The following TBCE variants were observed in gnomAD, a reference collection of about 807,000 sequenced individuals.
TBCE encodes the protein tubulin folding cofactor E.
A neutral mutation model predicts 77.0 loss-of-function variants in TBCE; 53 were observed. The ratio of observed to expected loss-of-function variants is 0.69; its 90% CI spans 0.55 to 0.87. The LOEUF (loss-of-function observed/expected upper bound fraction) is 0.87, where lower values mean the gene tolerates loss of function less well. Among genes scored for constraint, TBCE ranks in the 40% least tolerant of loss-of-function variants. The probability of loss-of-function intolerance (pLI) is 0.00; values close to 1 mark genes in which losing one functional copy is unlikely to be tolerated. For synonymous variants in TBCE, 235 were observed against 241.3 expected, an observed-to-expected ratio of 0.97 and a Z score of 0.24; for missense variants, 624 against 622.4, an observed-to-expected ratio of 1.00 and a Z score of -0.03.
At chr1:235,417,412 A>G (rs2172718) in intron 4 of TBCE, among the ~76,000 whole-genome samples, 100,698 of 152,122 alleles carry the variant, frequency 0.66, 33,714 homozygotes, top group African/African-American at 0.76. Context: ...GCGATAAAAC[A>G]CAAGTATTTA....
Position 235,419,341 on chromosome 1 carries a change from G to A in TBCE, c.372-132G>A, listed in dbSNP as rs565292728. 1.4e-4 allele frequency: 178 copies of A among 1,269,390 alleles called. 1 individual carries two copies. The African/African-American group carries it at 2.5e-3, about 18-fold the overall frequency. 78.6% of individuals were successfully genotyped at this position (1,269,390 alleles called of 1,614,324 possible). On this transcript the variant is annotated intron_variant, in intron 4 of 16. Coordinates refer to ENST00000642610, the MANE Select transcript of TBCE (RefSeq NM_003193.5). Reference sequence around the variant, plus strand: ...TTTGTAATGCTTTATTTCTTAATTTGGGTGGTGGTTACTGGTATTTGTATA... The same window carrying A: ...TTTGTAATGCTTTATTTCTTAATTTAGGTGGTGGTTACTGGTATTTGTATA...
chr1:235,381,332 T>C (rs1387367624), intron 2 of TBCE, among the ~76,000 whole-genome samples: 3 of 152,104 alleles, frequency 2.0e-5, no homozygotes, highest in African/African-American at 7.2e-5. Flanking sequence ...CCCATAGTTC[T>C]TGAAACATAA....
At chr1:235,383,425 A>G (rs1264264765) in intron 2 of TBCE, among the ~76,000 whole-genome samples, 2 of 152,166 alleles carry the variant, frequency 1.3e-5, no homozygotes, top group Non-Finnish European at 2.9e-5. Flanking sequence ...CATTTTCACG[A>G]TATTAATTCT....
intron 15 of TBCE, among the ~76,000 whole-genome samples, chr1:235,446,929 C>T (rs1436999785): frequency 3.3e-5 from 5 of 152,114 alleles, no homozygotes; most frequent in African/African-American, 1.2e-4. Context: ...GATCCCTCTG[C>T]CTCCCAAAGT....
intron 2 of TBCE, among the ~76,000 whole-genome samples, chr1:235,390,628 G>T (rs1678321470): frequency 6.6e-6 from 1 of 152,000 alleles, no homozygotes; most frequent in Non-Finnish European, 1.5e-5. Flanking sequence ...AGATGTGGTG[G>T]TGCATGCCAA....
In TBCE at chr1:235,450,276, G is replaced by T. The variant is rs373773440; in HGVS notation, c.*1514G>T. ...TTTCCACAGTTCCGTCAGTTCCCAC[G>T]GAGAATACTGAGGAGAAGACAGCAT... is the stretch of plus-strand genomic sequence containing the variant. On this transcript the variant is annotated 3_prime_UTR_variant, in exon 17 of 17. Transcript: ENST00000642610. 6.2e-7 allele frequency: 1 copy of T among 1,613,734 alleles called. No homozygotes were observed. The highest frequency in any genetic ancestry group is 8.5e-7 in the Non-Finnish European group (1 of 1,179,810).
At chr1:235,418,462 A>C (rs1680220162) in intron 4 of TBCE, 1 of 152,236 alleles carries the variant, frequency 6.6e-6, no homozygotes, top group Admixed American at 6.5e-5. Context: ...CTTTTCATGA[A>C]TAGAAAGCAC....
chr1:235,446,612 C>T (rs1682332063), intron 15 of TBCE, among the ~76,000 whole-genome samples: 1 of 151,548 alleles, frequency 6.6e-6, no homozygotes, highest in African/African-American at 2.4e-5. Context: ...TTAAGACAGT[C>T]ATGTTACTAT....
chr1:235,402,551 T>C (rs1262268318), intron 3 of TBCE, among the ~76,000 whole-genome samples: 2 of 152,200 alleles, frequency 1.3e-5, no homozygotes, highest in African/African-American at 4.8e-5. Context: ...TCCTTAAGTA[T>C]GGTACAGTGA....
Position 235,401,532 on chromosome 1 carries a change from C to T in TBCE, c.130C>T (p.Pro44Ser). The change falls in exon 3 of 17, where the codon CCC (proline) becomes TCC (serine). Residue 44 changes from proline (P) to serine (S), a missense_variant. Transcript: ENST00000642610. ...CTGGTTAGGAGTAGAATGGGACAAT[C>T]CCGAGAGAGGAAAGCATGATGGGAG... ...GPWLGVEWDN[P>S]ERGKHDGSHE... 1 of 1,613,792 alleles carries T rather than the reference C, an allele frequency of 6.2e-7. No individual in the cohort carries two copies. Among genetic ancestry groups the T allele is most frequent in the Non-Finnish European group, 8.5e-7 (1 of 1,179,864 alleles).
chr1:235,426,003 A>G (rs1680689820), intron 5 of TBCE, among the ~76,000 whole-genome samples: 1 of 152,096 alleles, frequency 6.6e-6, no homozygotes, highest in Admixed American at 6.5e-5. Flanking sequence ...TCTCTCCCCG[A>G]TGACACTCTG....
rs1025627443 is a variant in TBCE, at chr1:235,416,899, T to A, written c.371+2281T>A. Among the ~76,000 whole-genome samples the A allele has an allele frequency of 2.0e-5, 3 of 152,226 alleles. No homozygotes were observed. In the South Asian group the frequency reaches 6.2e-4, roughly 31 times the overall value. On this transcript the variant is annotated intron_variant, in intron 4 of 16. Transcript: ENST00000642610. ...CCGCCAGCTAAGGCACTTTTGGCTC[T>A]GACAGAAGTTAGAGATAGCTGCTTA...
At chr1:235,442,994 C>T (rs1414739641) in intron 15 of TBCE, 83 bp downstream of exon 15, 1 of 1,383,798 alleles carries the variant, frequency 7.2e-7, no homozygotes, top group African/African-American at 1.4e-5. Context: ...ACCTTTAACT[C>T]ATGTCTCAAA....
At chr1:235,392,377 A>G (rs887029547) in intron 2 of TBCE, among the ~76,000 whole-genome samples, 2 of 146,536 alleles carry the variant, frequency 1.4e-5, no homozygotes, top group African/African-American at 5.0e-5. Context: ...GTTGTGATTC[A>G]TATTGTCAAA....
chr1:235,387,987 T>G (rs1678131453), intron 2 of TBCE, among the ~76,000 whole-genome samples: 1 of 152,192 alleles, frequency 6.6e-6, no homozygotes, highest in African/African-American at 2.4e-5. Flanking sequence ...GACTCTGCCT[T>G]CATGGAGGCT....
intron 2 of TBCE, among the ~76,000 whole-genome samples, chr1:235,398,229 T>C (rs1678863703): frequency 6.6e-6 from 1 of 151,304 alleles, no homozygotes; most frequent in South Asian, 2.1e-4. Flanking sequence ...CACTGCAACC[T>C]ACACCTCCTG....
intron 6 of TBCE, 31 bp from the exon 7 acceptor site, chr1:235,430,674 T>C: frequency 6.6e-7 from 1 of 1,517,366 alleles, no homozygotes; most frequent in Non-Finnish European, 9.1e-7. Context: ...TGTATAGAAA[T>C]AAGTACATTG....
intron 2 of TBCE, among the ~76,000 whole-genome samples, chr1:235,384,686 G>A (rs533933910): frequency 1.7e-4 from 25 of 151,422 alleles, no homozygotes; most frequent in African/African-American, 4.1e-4. Flanking sequence ...TTTTTATTGC[G>A]TCTATTTGAT....
chr1:235,379,947 CAAA>C (rs36068852), intron 1 of TBCE, 69 bp from the exon 2 acceptor site: 507 of 727,600 alleles, frequency 7.0e-4, no homozygotes, highest in Middle Eastern at 9.0e-4. Context: ...GACTGTGCCT[CAAA>C]AAAAAAAAAA....
Sources: allele counts gnomAD v4.1 joint callset (sites outside exome capture counted in the v4.1 genomes callset), GRCh38; gene constraint gnomAD v4.1.1; transcripts MANE v1.5; gene names NCBI Gene and HGNC (gene_info 2026-07-23, HGNC 2026-07-21).